Variants in NEMP2 observed in about 807,000 individuals in gnomAD.
NEMP2 encodes UPF0571 transmembrane protein.
In NEMP2, 53 loss-of-function variants were observed where a neutral mutation model predicts 54.2. The ratio of observed to expected loss-of-function variants is 0.98; its 90% CI spans 0.78 to 1.23. The LOEUF is 1.23. Ranked by LOEUF, NEMP2 falls within the 50% of genes most tolerant of loss-of-function variation. NEMP2 has a pLI of 0.00. For missense variants in NEMP2, 455 were observed against 511.3 expected (o/e 0.89, Z 1.06); for synonymous variants, 197 against 190.3 (o/e 1.04, Z -0.29).
chr2:190,587,069 G>A, the NEMP2 span, among the ~76,000 whole-genome samples: 44 of 152,200 alleles, frequency 2.9e-4, no homozygotes, highest in African/African-American at 9.1e-4. The surrounding 1 kb of genome is among the most constrained non-coding windows in gnomAD (Gnocchi z 5.4). Flanking sequence ...CCCAGTCACC[G>A]GCTGTTCAAG....
At chr2:190,612,314 C>G in the NEMP2 span, among the ~76,000 whole-genome samples, 1 of 152,174 alleles carries the variant, frequency 6.6e-6, no homozygotes, top group African/African-American at 2.4e-5. Flanking sequence ...TGCCACCACG[C>G]CCAGCTAATT....
Position 190,520,066 on chromosome 2 carries a change from A to C in NEMP2, c.214-883T>G, listed in dbSNP as rs1269065740. On this transcript the variant is annotated intron_variant, in intron 2 of 8. Coordinates refer to ENST00000409150, the MANE Select transcript of NEMP2 (RefSeq NM_001142645.2). This position sits in a 1 kb window ranked among gnomAD's most constrained non-coding sequence, Gnocchi z 5.4. Reference sequence around the variant, plus strand: ...TAACTTTTATAGGTACTAGGAAACCAAAAAATTTGTATGACTTGCTTTATG... The same window carrying C: ...TAACTTTTATAGGTACTAGGAAACCCAAAAATTTGTATGACTTGCTTTATG... Among the ~76,000 whole-genome samples the C allele has an allele frequency of 6.6e-6, 1 of 152,176 alleles. No homozygotes were observed. The highest frequency in any genetic ancestry group is 1.5e-5 in the Non-Finnish European group (1 of 68,030).
the NEMP2 span, among the ~76,000 whole-genome samples, chr2:190,483,199 A>G: frequency 6.6e-6 from 1 of 151,930 alleles, no homozygotes; most frequent in Non-Finnish European, 1.5e-5. Context: ...GCCGACTATC[A>G]TCTTTTAAAC....
At chr2:190,454,836 A>G in the NEMP2 span, among the ~76,000 whole-genome samples, 1 of 152,164 alleles carries the variant, frequency 6.6e-6, no homozygotes, top group African/African-American at 2.4e-5. The surrounding 1 kb of genome is among the most constrained non-coding windows in gnomAD (Gnocchi z 4.6). Flanking sequence ...ACACTAGAAT[A>G]GGGACCTATG....
At chr2:190,534,390 C>T in intron 1 of NEMP2, 169 bp downstream of exon 1, 5 of 1,211,334 alleles carry the variant, frequency 4.1e-6, no homozygotes, top group Non-Finnish European at 5.1e-6. Flanking sequence ...CCCAGTAAGA[C>T]AGGAAGGGCG....
In NEMP2 at chr2:190,523,608, GA is replaced by G. The variant is rs938555508; in HGVS notation, c.213+1654del. The stretch of plus-strand genomic sequence containing the variant: ...CACACCTAATGTTGACTGTTCCTTG[GA>G]AAAAAAATGTTATGATTCCAGAGCT... On this transcript the variant is annotated intron_variant, in intron 2 of 8. Transcript: ENST00000409150. The surrounding 1 kb of genome is among the most constrained non-coding windows in gnomAD (Gnocchi z 5.3). Among the ~76,000 whole-genome samples, 2 of 74,592 alleles carry G rather than the reference GA, an allele frequency of 2.7e-5. No individual in the cohort carries two copies. Among genetic ancestry groups the G allele is most frequent in the Non-Finnish European group, 3.6e-5 (1 of 27,820 alleles). The allele number at this position is 74,592 out of a possible 152,430, so 48.9% of individuals were successfully genotyped here.
At chr2:190,596,695 A>G in the NEMP2 span, among the ~76,000 whole-genome samples, 2 of 152,234 alleles carry the variant, frequency 1.3e-5, no homozygotes, top group Non-Finnish European at 2.9e-5. This position sits in a 1 kb window ranked among gnomAD's most constrained non-coding sequence, Gnocchi z 5.1. Flanking sequence ...AACTATCAAG[A>G]TACATATTTT....
At chr2:190,495,682 TAAATA>T in the NEMP2 span, among the ~76,000 whole-genome samples, 20 of 151,570 alleles carry the variant, frequency 1.3e-4, no homozygotes, top group Non-Finnish European at 2.1e-4. This position sits in a 1 kb window ranked among gnomAD's most constrained non-coding sequence, Gnocchi z 4.7. Context: ...AGAAAACCCA[TAAATA>T]AAGCCAAATA....
At chr2:190,583,055 T>C in the NEMP2 span, among the ~76,000 whole-genome samples, 1 of 152,214 alleles carries the variant, frequency 6.6e-6, no homozygotes, top group Admixed American at 6.5e-5. Context: ...TCATAGATTA[T>C]AAGACCTATC....
the NEMP2 span, chr2:190,488,510 A>T: frequency 6.3e-3 from 4,662 of 737,998 alleles, 27 homozygotes; most frequent in Middle Eastern, 0.013. The surrounding 1 kb of genome is among the most constrained non-coding windows in gnomAD (Gnocchi z 6.4). Flanking sequence ...CCGTACATTT[A>T]AAAATGTGAA....
chr2:190,458,089 G>A, the NEMP2 span, among the ~76,000 whole-genome samples: 3 of 152,152 alleles, frequency 2.0e-5, no homozygotes, highest in African/African-American at 7.2e-5. The surrounding 1 kb of genome is among the most constrained non-coding windows in gnomAD (Gnocchi z 5.3). Context: ...CTGGTCTAGG[G>A]AGGAAATGGC....
the NEMP2 span, among the ~76,000 whole-genome samples, chr2:190,544,191 A>G: frequency 6.6e-6 from 1 of 152,196 alleles, no homozygotes; most frequent in African/African-American, 2.4e-5. Flanking sequence ...TCTCCATAAA[A>G]GAATAAAAAT....
At chr2:190,466,487 GCGAAT>G in the NEMP2 span, among the ~76,000 whole-genome samples, 1 of 152,202 alleles carries the variant, frequency 6.6e-6, no homozygotes, top group African/African-American at 2.4e-5. Context: ...AGGAAGGAAT[GCGAAT>G]GCTCTTGTCT....
the NEMP2 span, among the ~76,000 whole-genome samples, chr2:190,555,808 A>C: frequency 2.0e-5 from 3 of 152,142 alleles, 1 homozygote; most frequent in South Asian, 6.2e-4. The surrounding 1 kb of genome is among the most constrained non-coding windows in gnomAD (Gnocchi z 4.8). Flanking sequence ...AAATTCAGGA[A>C]ATACAGAGAA....
At chr2:190,452,488 G>T in the NEMP2 span, among the ~76,000 whole-genome samples, 1 of 152,118 alleles carries the variant, frequency 6.6e-6, no homozygotes, top group South Asian at 2.1e-4. Context: ...GATGAGAATT[G>T]TAGAGTGATT....
At chr2:190,553,256 A>G in the NEMP2 span, 2 of 152,156 alleles carry the variant, frequency 1.3e-5, no homozygotes, top group Non-Finnish European at 2.9e-5. Flanking sequence ...TCAGAAAAAA[A>G]AAATTGAACT....
At chr2:190,452,459 T>TTGTTA in the NEMP2 span, among the ~76,000 whole-genome samples, 1 of 152,202 alleles carries the variant, frequency 6.6e-6, no homozygotes, top group Non-Finnish European at 1.5e-5. Flanking sequence ...GAGTTAGGCA[T>TTGTTA]TGTTATGTCC....
chr2:190,626,593 G>A, the NEMP2 span: 1 of 152,308 alleles, frequency 6.6e-6, no homozygotes, highest in Admixed American at 6.5e-5. This position sits in a 1 kb window ranked among gnomAD's most constrained non-coding sequence, Gnocchi z 4.5. Context: ...TCCTGTGGGT[G>A]GCAGGCATTG....
At chr2:190,503,933 C>T (rs1010501976), downstream of NEMP2, among the ~76,000 whole-genome samples, 2 of 152,298 alleles carry the variant, frequency 1.3e-5, no homozygotes, top group African/African-American at 4.8e-5. This position sits in a 1 kb window ranked among gnomAD's most constrained non-coding sequence, Gnocchi z 6.3. Flanking sequence ...GTGAGCCAGT[C>T]CGGCTAAGTG....
Sources: gnomAD v4.1 joint callset for allele counts (sites outside exome capture counted in the v4.1 genomes callset) on GRCh38, gnomAD v4.1.1 for gene constraint, Gnocchi (gnomAD v3.1) non-coding constraint, MANE v1.5 for transcripts, NCBI Gene and HGNC (gene_info 2026-07-23, HGNC 2026-07-21) for gene names.